SLC1A2: variants seen among roughly 807,000 people sequenced by gnomAD.
The protein encoded by SLC1A2 is excitatory amino acid transporter 2.
In SLC1A2, 15 loss-of-function variants were observed where a neutral mutation model predicts 48.8. That is an observed-to-expected ratio of 0.31 (90% confidence interval 0.21 to 0.47). SLC1A2 has a LOEUF of 0.47. Ranked by LOEUF, SLC1A2 falls within the 20% of genes least tolerant of loss-of-function variation. SLC1A2 has a pLI of 0.99. For synonymous variants in SLC1A2, 279 were observed against 272.6 expected, an observed-to-expected ratio of 1.02 and a Z score of -0.23; for missense variants, 502 against 730.5, an observed-to-expected ratio of 0.69 and a Z score of 3.61.
At chr11:35,368,431 C>A (rs918165168) in intron 1 of SLC1A2, among the ~76,000 whole-genome samples, 2 of 152,166 alleles carry the variant, frequency 1.3e-5, no homozygotes, top group African/African-American at 4.8e-5. Context: ...TAAAGACTTT[C>A]AAAAAATGCT....
At chr11:35,279,121 A>T (rs1389026314) in intron 9 of SLC1A2, among the ~76,000 whole-genome samples, 1 of 152,252 alleles carries the variant, frequency 6.6e-6, no homozygotes, top group Non-Finnish European at 1.5e-5. Flanking sequence ...AAGTGTGGGC[A>T]CTTTGGCCTT....
At chr11:35,359,815 C>T (rs1040670682) in intron 1 of SLC1A2, among the ~76,000 whole-genome samples, 8 of 152,308 alleles carry the variant, frequency 5.3e-5, no homozygotes, top group African/African-American at 1.7e-4. Flanking sequence ...TTTCTCTGAG[C>T]CTCAATGTTC....
intron 4 of SLC1A2, among the ~76,000 whole-genome samples, chr11:35,307,820 AG>A (rs1851561056): frequency 6.6e-6 from 1 of 152,158 alleles, no homozygotes; most frequent in African/African-American, 2.4e-5. Context: ...ATGGGAAGGG[AG>A]GTCAGTGTTC....
At chr11:35,394,941 C>T (rs374907191) in intron 1 of SLC1A2, among the ~76,000 whole-genome samples, 12 of 152,154 alleles carry the variant, frequency 7.9e-5, no homozygotes, top group African/African-American at 2.4e-4. Flanking sequence ...CAAGTGTCCT[C>T]GGAGATCTGT....
chr11:35,334,828 TG>T (rs1852565065), intron 1 of SLC1A2, among the ~76,000 whole-genome samples: 11 of 48,334 alleles, frequency 2.3e-4, no homozygotes, highest in Admixed American at 1.6e-3. Context: ...TGTTTTGTTT[TG>T]TTTTGTTTTG....
In SLC1A2 at chr11:35,365,043, A is replaced by G. The variant is rs372307358; in HGVS notation, c.18-47527T>C. Among the ~76,000 whole-genome samples, 5 of 152,304 alleles carry G rather than the reference A, an allele frequency of 3.3e-5. No homozygotes were observed. In the East Asian group the frequency reaches 5.8e-4, roughly 18 times the overall value. On this transcript the variant is annotated intron_variant, in intron 1 of 10. Transcript: ENST00000278379. ...AACTAGCAAGAGAGAAAACCTTATG[A>G]TCTCTGTTTAACAGGTCAAGAAACT...
At chr11:35,410,057 G>A (rs571501079) in intron 1 of SLC1A2, among the ~76,000 whole-genome samples, 3 of 152,230 alleles carry the variant, frequency 2.0e-5, no homozygotes, top group East Asian at 1.9e-4. Context: ...GATTGGGGCC[G>A]GAGATAGTCT....
At chr11:35,261,277 G>C (rs1402622230) in intron 10 of SLC1A2, among the ~76,000 whole-genome samples, 2 of 152,164 alleles carry the variant, frequency 1.3e-5, no homozygotes, top group Non-Finnish European at 2.9e-5. Context: ...CAATAACACA[G>C]TCCTTAAAAT....
At chr11:35,304,859 C>T (rs146766438) in intron 5 of SLC1A2, among the ~76,000 whole-genome samples, 47 of 152,196 alleles carry the variant, frequency 3.1e-4, no homozygotes, top group African/African-American at 9.6e-4. Context: ...GTGACTTACA[C>T]TAAAAAACTA....
chr11:35,284,498 T>C (rs187780292), intron 8 of SLC1A2, among the ~76,000 whole-genome samples: 43 of 152,184 alleles, frequency 2.8e-4, no homozygotes, highest in Admixed American at 6.5e-4. Flanking sequence ...AGATGATACA[T>C]TCTAGCTGAT....
chr11:35,291,497 A>C (rs746600852), intron 7 of SLC1A2: 4 of 152,174 alleles, frequency 2.6e-5, no homozygotes, highest in Non-Finnish European at 5.9e-5. Context: ...CCTGACTTCA[A>C]GTGATCCGCC....
At chr11:35,290,712 T>TG (rs1174025497) in intron 7 of SLC1A2, among the ~76,000 whole-genome samples, 1 of 96,704 alleles carries the variant, frequency 1.0e-5, no homozygotes, top group Non-Finnish European at 2.4e-5. Context: ...TAAACCAGGT[T>TG]GGGTTTTTTT....
chr11:35,343,065 G>A (rs1019117902), intron 1 of SLC1A2, among the ~76,000 whole-genome samples: 2 of 152,356 alleles, frequency 1.3e-5, no homozygotes, highest in South Asian at 2.1e-4. Flanking sequence ...CTGATACATC[G>A]TGAGGCTTCA....
intron 1 of SLC1A2, among the ~76,000 whole-genome samples, chr11:35,380,082 T>TCATAATC (rs1380115755): frequency 3.9e-5 from 6 of 152,246 alleles, no homozygotes; most frequent in Non-Finnish European, 7.3e-5. Context: ...TCTCATATTT[T>TCATAATC]CATAATCCAT....
In SLC1A2 at chr11:35,366,926, T is replaced by A. The variant is rs148670951; in HGVS notation, c.18-49410A>T. Among the ~76,000 whole-genome samples the A allele has an allele frequency of 3.2e-3, 486 of 152,298 alleles. 3 individuals carry two copies. Among genetic ancestry groups the A allele is most frequent in the African/African-American group, 0.011 (464 of 41,572 alleles). ...GTAACAGACACAAAATCAAATTTTG[T>A]TGTTGGAAATCACTGAAACATGGGA... is the stretch of plus-strand genomic sequence containing the variant. On this transcript the variant is annotated intron_variant, in intron 1 of 10. Transcript: ENST00000278379.
At chr11:35,402,410 T>C (rs371392133) in intron 1 of SLC1A2, among the ~76,000 whole-genome samples, 1 of 152,214 alleles carries the variant, frequency 6.6e-6, no homozygotes, top group East Asian at 1.9e-4. Context: ...ATCCAGGTGC[T>C]GGGAGGGTGG....
intron 9 of SLC1A2, among the ~76,000 whole-genome samples, chr11:35,272,527 G>A (rs1355276108): frequency 1.3e-5 from 2 of 152,198 alleles, no homozygotes; most frequent in African/African-American, 4.8e-5. Flanking sequence ...GCTGCCAGGG[G>A]AATGTCTGAC....
intron 10 of SLC1A2, chr11:35,262,032 C>T: frequency 3.4e-6 from 1 of 298,308 alleles, no homozygotes; most frequent in East Asian, 5.4e-5. Context: ...TATTGTGTAA[C>T]TTCAAACTAC....
intron 9 of SLC1A2, among the ~76,000 whole-genome samples, chr11:35,269,901 G>C (rs754063999): frequency 6.6e-6 from 1 of 152,170 alleles, no homozygotes; most frequent in Non-Finnish European, 1.5e-5. Context: ...CTTGAGGTCA[G>C]GAGTGCAAGA....
Sources: allele counts gnomAD v4.1 joint callset (sites outside exome capture counted in the v4.1 genomes callset), GRCh38; gene constraint gnomAD v4.1.1; transcripts MANE v1.5; gene names NCBI Gene and HGNC (gene_info 2026-07-23, HGNC 2026-07-21).